Variants in DOCK3 observed in about 807,000 individuals in gnomAD.
DOCK3 encodes the protein dedicator of cytokinesis protein 3.
In DOCK3, 60 loss-of-function variants were observed where a neutral mutation model predicts 265.6. That is an observed-to-expected ratio of 0.23 (90% CI 0.18 to 0.28). The LOEUF (loss-of-function observed/expected upper bound fraction) is 0.28. Ranked by LOEUF, DOCK3 falls within the 10% of genes least tolerant of loss-of-function variation. The pLI, the probability that DOCK3 is intolerant of heterozygous loss-of-function variation, is 1.00. For missense variants in DOCK3, 1,981 were observed against 2,594.3 expected (o/e 0.76, Z 5.14); for synonymous variants, 881 against 938.0 (o/e 0.94, Z 1.11).
chr3:51,173,620 T>G (rs2086796540), intron 12 of DOCK3, among the ~76,000 whole-genome samples: 1 of 152,230 alleles, frequency 6.6e-6, no homozygotes, highest in Non-Finnish European at 1.5e-5. Flanking sequence ...TGGGATTTTT[T>G]TTAAGCACTG....
At chr3:51,149,693 C>T (rs2085482884) in intron 10 of DOCK3, among the ~76,000 whole-genome samples, 1 of 152,184 alleles carries the variant, frequency 6.6e-6, no homozygotes, top group African/African-American at 2.4e-5. Context: ...ATGAAGCCAA[C>T]TTGATCGTGG....
intron 32 of DOCK3, among the ~76,000 whole-genome samples, chr3:51,316,714 G>T (rs1560422119): frequency 6.6e-6 from 1 of 152,178 alleles, no homozygotes; most frequent in Non-Finnish European, 1.5e-5. Context: ...GTGACTAATG[G>T]TGTTGAGCAT....
chr3:51,287,074 A>G (rs1474558415), intron 27 of DOCK3, among the ~76,000 whole-genome samples: 1 of 152,236 alleles, frequency 6.6e-6, no homozygotes, highest in Non-Finnish European at 1.5e-5. Context: ...GCATCTGACA[A>G]AGGTCTGATA....
chr3:51,191,700 G>C (rs1041380385), intron 12 of DOCK3, among the ~76,000 whole-genome samples: 7 of 151,842 alleles, frequency 4.6e-5, no homozygotes, highest in African/African-American at 1.7e-4. Context: ...GTTGCTTCTT[G>C]AAAAAAAGTT....
intron 24 of DOCK3, among the ~76,000 whole-genome samples, 163 bp from the exon 25 acceptor site, chr3:51,274,916 A>C (rs2080726940): frequency 6.6e-6 from 1 of 152,218 alleles, no homozygotes; most frequent in African/African-American, 2.4e-5. Flanking sequence ...ATCTCCAGGC[A>C]GTGAGCTTTC....
intron 2 of DOCK3, among the ~76,000 whole-genome samples, chr3:50,802,033 T>C (rs984271557): frequency 3.3e-5 from 5 of 152,212 alleles, no homozygotes; most frequent in African/African-American, 9.6e-5. Context: ...TTTGGTTTTC[T>C]TTTGCATGGA....
intron 9 of DOCK3, among the ~76,000 whole-genome samples, chr3:51,136,527 C>T (rs950365508): frequency 6.6e-6 from 1 of 152,096 alleles, no homozygotes; most frequent in African/African-American, 2.4e-5. Context: ...CATGAGCCAC[C>T]GTGCCTGGCC....
At chr3:51,161,777 G>T (rs977147724) in intron 12 of DOCK3, among the ~76,000 whole-genome samples, 1 of 152,180 alleles carries the variant, frequency 6.6e-6, no homozygotes, top group Non-Finnish European at 1.5e-5. Context: ...ATGATCATGA[G>T]TCGAATTTCT....
At chr3:50,794,033 C>G (rs562279248) in intron 2 of DOCK3, among the ~76,000 whole-genome samples, 1 of 152,096 alleles carries the variant, frequency 6.6e-6, no homozygotes, top group Non-Finnish European at 1.5e-5. Context: ...TATGTGTAAT[C>G]GTAAGGTTTT....
At chr3:50,740,004 T>C (rs980254174) in intron 1 of DOCK3, among the ~76,000 whole-genome samples, 5 of 152,190 alleles carry the variant, frequency 3.3e-5, no homozygotes, top group African/African-American at 1.2e-4. Flanking sequence ...TACTCTTTCA[T>C]CTCTATTTCT....
At chr3:50,853,286 C>A (rs1225005853) in intron 3 of DOCK3, among the ~76,000 whole-genome samples, 1 of 151,560 alleles carries the variant, frequency 6.6e-6, no homozygotes, top group Non-Finnish European at 1.5e-5. Context: ...CAGTATTTTT[C>A]TTCCTGTGAC....
intron 32 of DOCK3, among the ~76,000 whole-genome samples, chr3:51,328,203 ACTGTTGTACC>A (rs1408089611): frequency 6.6e-6 from 1 of 152,136 alleles, no homozygotes; most frequent in Non-Finnish European, 1.5e-5. Flanking sequence ...GCGCCAGTGG[ACTGTTGTACC>A]CTGTTTACAC....
intron 6 of DOCK3, among the ~76,000 whole-genome samples, chr3:51,066,595 C>T (rs2081599149): frequency 6.6e-6 from 1 of 152,096 alleles, no homozygotes; most frequent in African/African-American, 2.4e-5. Flanking sequence ...AACCATAAAG[C>T]CATTTTTAGG....
At chr3:50,781,166 C>G (rs2041891271) in intron 2 of DOCK3, among the ~76,000 whole-genome samples, 1 of 150,882 alleles carries the variant, frequency 6.6e-6, no homozygotes, top group Non-Finnish European at 1.5e-5. Context: ...GGATAAAATC[C>G]CAGTGGCTCC....
At chr3:50,815,259 G>A (rs987640196) in intron 2 of DOCK3, among the ~76,000 whole-genome samples, 4 of 151,998 alleles carry the variant, frequency 2.6e-5, no homozygotes, top group Admixed American at 6.5e-5. Flanking sequence ...TGGCTTATAT[G>A]TCATTATGAT....
At chr3:50,981,237 T>C (rs1278603253) in intron 5 of DOCK3, among the ~76,000 whole-genome samples, 1 of 152,238 alleles carries the variant, frequency 6.6e-6, no homozygotes, top group African/African-American at 2.4e-5. Context: ...AATTTGCATG[T>C]ATTTGTACAA....
chr3:50,747,904 G>A (rs949491570), intron 1 of DOCK3, among the ~76,000 whole-genome samples: 2 of 151,280 alleles, frequency 1.3e-5, no homozygotes, highest in African/African-American at 4.9e-5. Context: ...AAAATATTTT[G>A]TTTTCTGCTA....
chr3:50,820,002 T>A (rs914134432), intron 2 of DOCK3, among the ~76,000 whole-genome samples: 1 of 151,944 alleles, frequency 6.6e-6, no homozygotes, highest in Admixed American at 6.6e-5. Context: ...CATGGCAACA[T>A]CTAGAAGTTA....
At chr3:51,369,814 G>A (rs954611859) in intron 49 of DOCK3, among the ~76,000 whole-genome samples, 1 of 152,220 alleles carries the variant, frequency 6.6e-6, no homozygotes, top group Non-Finnish European at 1.5e-5. Context: ...GACTTCACCT[G>A]AAGTATTCAG....
Sources: gnomAD v4.1 joint callset for allele counts (sites outside exome capture counted in the v4.1 genomes callset) on GRCh38, gnomAD v4.1.1 for gene constraint, MANE v1.5 for transcripts, NCBI Gene and HGNC (gene_info 2026-07-23, HGNC 2026-07-21) for gene names.